The following ABCB5 variants were observed in gnomAD, a reference collection of about 807,000 sequenced individuals.
ABCB5 encodes ATP-binding cassette sub-family B member 5.
In ABCB5, 155 loss-of-function variants were observed where a neutral mutation model predicts 144.2. The observed-to-expected ratio is 1.08, with a 90% CI of 0.94 to 1.23. The LOEUF (loss-of-function observed/expected upper bound fraction) is 1.23. ABCB5 is among the 50% of genes most tolerant of loss of function. The pLI, the probability that ABCB5 is intolerant of heterozygous loss-of-function variation, is 0.00. For missense variants in ABCB5, 1,830 were observed against 1,520.8 expected (o/e 1.20, Z -3.38); for synonymous variants, 610 against 528.6 (o/e 1.15, Z -2.11).
At chr7:20,651,710 C>G (rs1784601153) in intron 13 of ABCB5, 87 bp downstream of exon 13, 1 of 1,352,732 alleles carries the variant, frequency 7.4e-7, no homozygotes, top group Admixed American at 1.8e-5. Flanking sequence ...ACAACTGATG[C>G]AGAATAGTAG....
intron 14 of ABCB5, among the ~76,000 whole-genome samples, chr7:20,679,544 T>C (rs1452726960): frequency 6.6e-6 from 1 of 150,830 alleles, no homozygotes; most frequent in East Asian, 1.9e-4. Flanking sequence ...TTGTAATACA[T>C]GGTATTTAAC....
At chr7:20,636,828 T>A (rs116082024) in intron 5 of ABCB5, among the ~76,000 whole-genome samples, 1 of 150,310 alleles carries the variant, frequency 6.7e-6, no homozygotes, top group Non-Finnish European at 1.5e-5. Context: ...ACCTATAATA[T>A]TCAGTACATT....
At chr7:20,690,233 G>T (rs554983903) in intron 16 of ABCB5, among the ~76,000 whole-genome samples, 1 of 152,128 alleles carries the variant, frequency 6.6e-6, no homozygotes, top group Non-Finnish European at 1.5e-5. Flanking sequence ...GTGACATCAC[G>T]AACGGATACC....
At chr7:20,625,763 G>A (rs373717021) in intron 2 of ABCB5, among the ~76,000 whole-genome samples, 1 of 152,110 alleles carries the variant, frequency 6.6e-6, no homozygotes, top group African/African-American at 2.4e-5. Context: ...ATCAATAATA[G>A]GTTTAACATG....
chr7:20,630,102 A>G (rs1784006295), intron 4 of ABCB5, among the ~76,000 whole-genome samples: 1 of 151,924 alleles, frequency 6.6e-6, no homozygotes, highest in Admixed American at 6.6e-5. Context: ...AATTCCAGTG[A>G]TTTTCCTATG....
chr7:20,651,812 A>G, intron 13 of ABCB5, 189 bp downstream of exon 13: 1 of 579,998 alleles, frequency 1.7e-6, no homozygotes, highest in Non-Finnish European at 3.0e-6. Flanking sequence ...AAATTTGTAA[A>G]CTTTCTTAAC....
At chr7:20,661,391 G>C (rs1212458928) in intron 14 of ABCB5, among the ~76,000 whole-genome samples, 1 of 152,142 alleles carries the variant, frequency 6.6e-6, no homozygotes, top group Non-Finnish European at 1.5e-5. Flanking sequence ...TGAAGGCTTT[G>C]AGTGATTAAC....
chr7:20,650,516 T>G (rs1383417481), intron 12 of ABCB5, among the ~76,000 whole-genome samples: 4 of 152,054 alleles, frequency 2.6e-5, no homozygotes, highest in Non-Finnish European at 5.9e-5. Context: ...TATCAAGAAT[T>G]TCAAAGTTTG....
At chr7:20,671,686 A>G (rs2128035953) in intron 14 of ABCB5, among the ~76,000 whole-genome samples, 1 of 152,352 alleles carries the variant, frequency 6.6e-6, no homozygotes, top group Non-Finnish European at 1.5e-5. Flanking sequence ...TATTCTACTT[A>G]TGACTATGCC....
intron 20 of ABCB5, among the ~76,000 whole-genome samples, chr7:20,706,417 G>A (rs558420996): frequency 6.6e-6 from 1 of 152,070 alleles, no homozygotes; most frequent in Non-Finnish European, 1.5e-5. Flanking sequence ...TGCTTCAACT[G>A]AAAAACCAAA....
chr7:20,733,389 T>C (rs146358745), intron 23 of ABCB5, among the ~76,000 whole-genome samples: 66 of 152,202 alleles, frequency 4.3e-4, no homozygotes, highest in South Asian at 1.2e-3. Flanking sequence ...AAGTCCCCAA[T>C]ATAAAATTTC....
At position 20,698,413 on chromosome 7, in the gene ABCB5, CT is replaced by C; in HGVS notation, c.2019del (p.Pro674LeufsTer6). 1 of 1,570,448 alleles carries C rather than the reference CT, an allele frequency of 6.4e-7. No individual in the cohort carries two copies. Among genetic ancestry groups the C allele is most frequent in the Non-Finnish European group, 8.6e-7 (1 of 1,165,624 alleles). On this transcript the variant is annotated frameshift_variant, in exon 17 of 28. Coordinates refer to ENST00000404938, the MANE Select transcript of ABCB5 (RefSeq NM_001163941.2). LOFTEE classifies it high-confidence loss of function. ...EESTQSKEIS[L>X]PEVSLLKILK... ...CAACATATTTTATTTTTAGATAAGT[CT>C]TCCTGAAGTCTCTCTATTAAAAATT... is the stretch of plus-strand genomic sequence containing the variant.
intron 1 of ABCB5, among the ~76,000 whole-genome samples, chr7:20,621,511 A>T (rs1783804168): frequency 6.6e-6 from 1 of 152,140 alleles, no homozygotes; most frequent in South Asian, 2.1e-4. Flanking sequence ...GTCTAGAGTA[A>T]AGAATAAAAC....
chr7:20,620,615 T>C (rs942650957), intron 1 of ABCB5, among the ~76,000 whole-genome samples: 1 of 150,424 alleles, frequency 6.6e-6, no homozygotes, highest in Non-Finnish European at 1.5e-5. Context: ...ACAGAAGATA[T>C]ACAAATGAGC....
At chr7:20,716,504 A>T (rs1583446649) in intron 20 of ABCB5, among the ~76,000 whole-genome samples, 3 of 149,700 alleles carry the variant, frequency 2.0e-5, no homozygotes, top group Middle Eastern at 3.5e-3. Context: ...GCAAAGACCA[A>T]TTTTTTTTTT....
chr7:20,699,900 G>T lies in ABCB5; in HGVS notation c.2230G>T (p.Val744Phe). 1 of 1,612,852 alleles carries T rather than the reference G, an allele frequency of 6.2e-7. No individual in the cohort carries two copies. The highest frequency in any genetic ancestry group is 2.2e-5 in the East Asian group (1 of 44,780). The change falls in exon 18 of 28, where the codon GTT (valine) becomes TTT (phenylalanine). Residue 744 changes from valine (V) to phenylalanine (F), a missense_variant. By Grantham distance (50) the Val-to-Phe change is conservative. Transcript: ENST00000404938. ...TTCCATGATATTCGTCATTTTGGGT[G>T]TTATTTGCTTTGTCAGTTATTTCAT... Reference protein sequence around the residue: ...IYSMIFVILGVICFVSYFMQG... With the variant: ...IYSMIFVILGFICFVSYFMQG...
At chr7:20,717,012 C>T (rs1441752937) in intron 20 of ABCB5, among the ~76,000 whole-genome samples, 1 of 152,126 alleles carries the variant, frequency 6.6e-6, no homozygotes, top group Non-Finnish European at 1.5e-5. Flanking sequence ...AAGCACTTAC[C>T]CGACCTGAAC....
At chr7:20,700,274 T>G (rs1786575286) in intron 19 of ABCB5, 139 bp downstream of exon 19, 1 of 719,068 alleles carries the variant, frequency 1.4e-6, no homozygotes, top group Non-Finnish European at 2.2e-6. Context: ...AGCAAAAATC[T>G]GATGTCAGAA....
chr7:20,711,137 C>T (rs1275059342), intron 20 of ABCB5, among the ~76,000 whole-genome samples: 1 of 112,838 alleles, frequency 8.9e-6, no homozygotes, highest in African/African-American at 3.0e-5. Flanking sequence ...ATGTAATAAA[C>T]CCATACTACA....
Sources: allele counts gnomAD v4.1 joint callset (sites outside exome capture counted in the v4.1 genomes callset), GRCh38; gene constraint gnomAD v4.1.1; transcripts MANE v1.5; gene names NCBI Gene and HGNC (gene_info 2026-07-23, HGNC 2026-07-21).